The following MAGEB17 variants were observed in gnomAD, a reference collection of about 807,000 sequenced individuals.
MAGEB17 encodes melanoma-associated antigen B17.
For missense variants in MAGEB17, 251 were observed against 281.4 expected (o/e 0.89, Z 0.77); for synonymous variants, 110 against 112.4 (o/e 0.98, Z 0.13).
At chrX:16,168,518 T>A (rs1229367882) in intron 1 of MAGEB17, among the ~76,000 whole-genome samples, 3 of 111,928 alleles carry the variant, frequency 2.7e-5, no homozygotes, top group African/African-American at 9.8e-5. Flanking sequence ...TGGGCCTGGC[T>A]GACTCAGGTC....
At chrX:16,168,614 C>T (rs985139905) in intron 1 of MAGEB17, 2 of 112,433 alleles carry the variant, frequency 1.8e-5, no homozygotes, top group African/African-American at 6.5e-5. Flanking sequence ...CAGTGGGGTC[C>T]CCTATAGTCC....
Position 16,170,628 on chromosome X carries a change from A to G in MAGEB17, c.246A>G (p.Glu82=). 2 of 1,167,127 alleles carry G rather than the reference A, an allele frequency of 1.7e-6. No individual in the cohort carries two copies. Among genetic ancestry groups the G allele is most frequent in the Non-Finnish European group, 2.3e-6 (2 of 873,081 alleles). ...ASAVSLTSSD[E]GAKGQKGESP... is the part of the protein sequence containing the mutation. ...CTGTTTCACTCACAAGTTCTGATGAAGGTGCCAAGGGCCAAAAGGGGGAAA... is the reference window on the plus strand; with the variant it reads ...CTGTTTCACTCACAAGTTCTGATGAGGGTGCCAAGGGCCAAAAGGGGGAAA... Residue 82 remains glutamate, a synonymous_variant, in exon 2 of 2, where the codon GAA becomes GAG. Coordinates refer to ENST00000400004, the MANE Select transcript of MAGEB17 (RefSeq NM_001277307.2).
chrX:16,170,226 G>A, intron 1 of MAGEB17, 108 bp from the exon 2 acceptor site: 1 of 1,032,668 alleles, frequency 9.7e-7, no homozygotes, highest in East Asian at 3.4e-5. Flanking sequence ...GAGAACAGGA[G>A]CCTGGTGGGG....
rs771484396 is a variant in MAGEB17 at position 16,170,679 on chromosome X, C to G, written c.297C>G (p.Ser99=). The G allele has an allele frequency of 2.7e-5, 31 of 1,165,151 alleles. No individual in the cohort carries two copies. In the South Asian group the frequency reaches 5.3e-4, roughly 20 times the overall value. Residue 99 remains serine, a synonymous_variant, in exon 2 of 2, where the codon TCC becomes TCG. Coordinates refer to ENST00000400004, the MANE Select transcript of MAGEB17 (RefSeq NM_001277307.2). The stretch of plus-strand genomic sequence containing the variant: ...GTCCCAACTCCTTCCATGGCCCGTC[C>G]TCCTCTGAGAGCACAGGAAGAGATC... ...GESPNSFHGP[S]SSESTGRDLL...
rs145709721 is a variant in MAGEB17, at chrX:16,170,973, C to T, written c.591C>T (p.Pro197=). 9.3e-4 allele frequency: 1,089 copies of T among 1,165,745 alleles called. 4 individuals are homozygous for T. The East Asian group carries it at 0.029, about 31-fold the overall frequency. The change falls in exon 2 of 2, where the codon CCC becomes CCT. Residue 197 remains proline (P), a synonymous_variant. Transcript: ENST00000400004. ...QGSLSDGGGF[P]LSGLLMVLLS... is the part of the protein sequence containing the mutation. ...GCTTGAGCGATGGCGGGGGCTTTCCCCTGAGCGGGCTCCTGATGGTTCTCC... is the reference window on the plus strand; with the variant it reads ...GCTTGAGCGATGGCGGGGGCTTTCCTCTGAGCGGGCTCCTGATGGTTCTCC...
At chrX:16,169,730 A>G (rs1601952876) in intron 1 of MAGEB17, among the ~76,000 whole-genome samples, 1 of 111,146 alleles carries the variant, frequency 9.0e-6, no homozygotes, top group Admixed American at 9.5e-5. Flanking sequence ...CTCAGAGTGG[A>G]CAGGGCCTGG....
At chrX:16,170,207 G>A in intron 1 of MAGEB17, 127 bp from the exon 2 acceptor site, 1 of 969,739 alleles carries the variant, frequency 1.0e-6, no homozygotes, top group Non-Finnish European at 1.3e-6. Context: ...CAGGGGACAG[G>A]CTGCCCTGGA....
rs1923058803 is a variant in MAGEB17 at position 16,171,225 on chromosome X, CA to C, written c.844del (p.Ser282AlafsTer3). On this transcript the variant is annotated frameshift_variant, in exon 2 of 2. Transcript: ENST00000400004. LOFTEE classifies it low-confidence loss of function (END_TRUNC). ...GGGGTCCCAGGGCCCGTGCTGAAAC[CA>C]GCAAAATGAAAGTCCTGGAGTTTGT... ...LWGPRARAET[S>X]KMKVLEFVAK... 1 of 1,208,280 alleles carries C rather than the reference CA, an allele frequency of 8.3e-7. No individual in the cohort carries two copies. Among genetic ancestry groups the C allele is most frequent in the Non-Finnish European group, 1.1e-6 (1 of 894,544 alleles).
At position 16,170,963 on chromosome X, in the gene MAGEB17, G is replaced by C; in HGVS notation, c.581G>C (p.Gly194Ala). 2 of 1,167,434 alleles carry C rather than the reference G, an allele frequency of 1.7e-6. No individual in the cohort carries two copies. The highest frequency in any genetic ancestry group is 2.3e-6 in the Non-Finnish European group (2 of 873,168). ...AATCAAGGAAGCTTGAGCGATGGCG[G>C]GGGCTTTCCCCTGAGCGGGCTCCTG... is the stretch of plus-strand genomic sequence containing the variant. ...FPNQGSLSDG[G>A]GFPLSGLLMV... The change falls in exon 2 of 2, where the codon GGG becomes GCG. Residue 194 changes from glycine to alanine, a missense_variant. Coordinates refer to ENST00000400004, the MANE Select transcript of MAGEB17 (RefSeq NM_001277307.2).
At position 16,171,308 on chromosome X, in the gene MAGEB17, TGA is replaced by T. The variant is rs1469608534; in HGVS notation, c.932_933del (p.Glu311GlyfsTer14). On this transcript the variant is annotated frameshift_variant, in exon 2 of 2. Coordinates refer to ENST00000400004, the MANE Select transcript of MAGEB17 (RefSeq NM_001277307.2). LOFTEE classifies it low-confidence loss of function (END_TRUNC). ...TACAAGTCCCGGTATGAGGAGGCTC[TGA>T]GAGAGGAGGAAGAGCAAGCCAGAGC... is the stretch of plus-strand genomic sequence containing the variant. 2.5e-6 allele frequency: 3 copies of T among 1,191,900 alleles called. No homozygotes were observed. The African/African-American group carries it at 5.3e-5, about 21-fold the overall frequency.
In MAGEB17 at chrX:16,171,014, T is replaced by G; in HGVS notation, c.632T>G (p.Met211Arg). The G allele has an allele frequency of 8.6e-7, 1 of 1,167,025 alleles. No homozygotes were observed. The highest frequency in any genetic ancestry group is 1.1e-6 in the Non-Finnish European group (1 of 872,809). Residue 211 changes from methionine (M) to arginine (R), a missense_variant, in exon 2 of 2, where the codon ATG becomes AGG. By Grantham distance (91) the Met-to-Arg change is moderately conservative. Coordinates refer to ENST00000400004, the MANE Select transcript of MAGEB17 (RefSeq NM_001277307.2). ...LLMVLLSTIF[M>R]HGNRATEEEM... ...ATGGTTCTCCTGAGCACCATCTTCA[T>G]GCATGGCAACCGTGCCACTGAGGAA...
At chrX:16,170,130 T>C (rs1423956060) in intron 1 of MAGEB17, among the ~76,000 whole-genome samples, 1 of 112,067 alleles carries the variant, frequency 8.9e-6, no homozygotes, top group Non-Finnish European at 1.9e-5. Flanking sequence ...GAAGTAAGGA[T>C]CTTGGTCTCA....
chrX:16,168,079 C>T (rs1325094078), intron 1 of MAGEB17, among the ~76,000 whole-genome samples: 1 of 112,462 alleles, frequency 8.9e-6, no homozygotes, highest in Non-Finnish European at 1.9e-5. Context: ...GTAGCTCACA[C>T]CTGTGATCCC....
At position 16,171,240 on chromosome X, in the gene MAGEB17, C is replaced by T. The variant is rs1022821885; in HGVS notation, c.858C>T (p.Val286=). 9.9e-6 allele frequency: 12 copies of T among 1,208,358 alleles called. No homozygotes were observed. Among genetic ancestry groups the T allele is most frequent in the African/African-American group, 1.8e-5 (1 of 57,008 alleles). Residue 286 remains valine, a synonymous_variant, in exon 2 of 2, where the codon GTC becomes GTT. Transcript: ENST00000400004. ...GTGCTGAAACCAGCAAAATGAAAGT[C>T]CTGGAGTTTGTGGCCAAGCTCAATG... is the stretch of plus-strand genomic sequence containing the variant. ...RARAETSKMK[V]LEFVAKLNDT...
At chrX:16,169,624 T>C (rs1440465900) in intron 1 of MAGEB17, among the ~76,000 whole-genome samples, 1 of 111,276 alleles carries the variant, frequency 9.0e-6, no homozygotes, top group African/African-American at 3.3e-5. Flanking sequence ...CTCACCTGGA[T>C]CCGGGGGCAC....
chrX:16,170,986 C>CT lies in MAGEB17; in HGVS notation c.605dup (p.Met203AspfsTer16), dbSNP rs1349124830. 2 of 1,165,717 alleles carry CT rather than the reference C, an allele frequency of 1.7e-6. No individual in the cohort carries two copies. The highest frequency in any genetic ancestry group is 6.5e-5 in the East Asian group (2 of 30,698). ...CGGGGGCTTTCCCCTGAGCGGGCTC[C>CT]TGATGGTTCTCCTGAGCACCATCTT... On this transcript the variant is annotated frameshift_variant, in exon 2 of 2. Transcript: ENST00000400004. LOFTEE classifies it low-confidence loss of function (END_TRUNC).
Position 16,170,884 on chromosome X carries a change from G to A in MAGEB17, c.502G>A (p.Glu168Lys). Residue 168 changes from glutamate to lysine, a missense_variant, in exon 2 of 2, where the codon GAA becomes AAA. Transcript: ENST00000400004. The part of the protein sequence containing the change: ...VEVVFGLYLK[E>K]MDPSRQSYVL... ...GGTGGTCTTTGGCCTCTACCTGAAG[G>A]AAATGGACCCCAGCCGTCAGTCCTA... is the stretch of plus-strand genomic sequence containing the variant. The A allele has an allele frequency of 8.6e-7, 1 of 1,167,356 alleles. No homozygotes were observed. Among genetic ancestry groups the A allele is most frequent in the Non-Finnish European group, 1.1e-6 (1 of 873,147 alleles).
chrX:16,169,085 C>T (rs1027924541), intron 1 of MAGEB17, among the ~76,000 whole-genome samples: 1 of 111,643 alleles, frequency 9.0e-6, no homozygotes, highest in African/African-American at 3.3e-5. Context: ...GGCTCTTTTG[C>T]ACCAATGGGC....
chrX:16,169,549 A>G (rs757056699), intron 1 of MAGEB17, among the ~76,000 whole-genome samples: 4 of 111,915 alleles, frequency 3.6e-5, no homozygotes, highest in African/African-American at 6.5e-5. Flanking sequence ...AGGTTAAGAC[A>G]GGAGTGTTTT....
Sources: allele counts gnomAD v4.1 joint callset (sites outside exome capture counted in the v4.1 genomes callset), GRCh38; gene constraint gnomAD v4.1.1; transcripts MANE v1.5; gene names NCBI Gene and HGNC (gene_info 2026-07-23, HGNC 2026-07-21).